Variants in SLCO3A1 observed in about 807,000 individuals in gnomAD.
SLCO3A1 encodes the protein PGE1 transporter.
SLCO3A1 carries 27 observed loss-of-function variants against 63.1 expected under a neutral mutation model. The observed-to-expected ratio is 0.43, with a 90% CI of 0.32 to 0.59. The LOEUF is 0.59. Among genes scored for constraint, SLCO3A1 ranks in the 20% least tolerant of loss-of-function variants. SLCO3A1 has a pLI of 0.09. For synonymous variants in SLCO3A1, 473 were observed against 409.9 expected, an observed-to-expected ratio of 1.15 and a Z score of -1.86; for missense variants, 773 against 945.8, an observed-to-expected ratio of 0.82 and a Z score of 2.40.
chr15:92,112,078 A>AG (rs2047736130), intron 4 of SLCO3A1, among the ~76,000 whole-genome samples: 1 of 152,220 alleles, frequency 6.6e-6, no homozygotes, highest in Non-Finnish European at 1.5e-5. Context: ...AGGACCAGAG[A>AG]GAGGGGACTT....
At chr15:91,924,780 C>A (rs977743261) in intron 2 of SLCO3A1, among the ~76,000 whole-genome samples, 1 of 152,190 alleles carries the variant, frequency 6.6e-6, no homozygotes, top group East Asian at 1.9e-4. Flanking sequence ...AGAAATGAAA[C>A]CATTTTCCTA....
rs1416320954 is a variant in SLCO3A1 at position 91,875,829 on chromosome 15, A to G, written c.180+21741A>G. On this transcript the variant is annotated intron_variant, in intron 1 of 9. Transcript: ENST00000318445. The surrounding 1 kb of genome is among the most constrained non-coding windows in gnomAD (Gnocchi z 4.5). Reference sequence around the variant, plus strand: ...TGTAAGTCAACTTTTATTGGAACACAGCCATGCTGATTTATGTATATATTA... The same window carrying G: ...TGTAAGTCAACTTTTATTGGAACACGGCCATGCTGATTTATGTATATATTA... Among the ~76,000 whole-genome samples the G allele has an allele frequency of 6.6e-6, 1 of 152,244 alleles. No homozygotes were observed. The highest frequency in any genetic ancestry group is 2.4e-5 in the African/African-American group (1 of 41,476).
chr15:91,982,819 G>A (rs557059793), intron 2 of SLCO3A1, among the ~76,000 whole-genome samples: 1 of 152,198 alleles, frequency 6.6e-6, no homozygotes, highest in Non-Finnish European at 1.5e-5. Flanking sequence ...GGAGCTGCAC[G>A]GGCTTGCCCA....
At position 92,009,862 on chromosome 15, in the gene SLCO3A1, C is replaced by T. The variant is rs749628654; in HGVS notation, c.647-85019C>T. Among the ~76,000 whole-genome samples, 17 of 152,252 alleles carry T rather than the reference C, an allele frequency of 1.1e-4. No individual in the cohort carries two copies. In the South Asian group the frequency reaches 1.2e-3, roughly 11 times the overall value. On this transcript the variant is annotated intron_variant, in intron 2 of 9. Coordinates refer to ENST00000318445, the MANE Select transcript of SLCO3A1 (RefSeq NM_013272.4). ...TTTCTGTTTAGTTCAGATGGGCAGG[C>T]GATGTGCAATGAGGGAAAGGTGTGC...
rs183327155 is a variant in SLCO3A1 at position 91,892,584 on chromosome 15, C to A, written c.181-23409C>A. 5.3e-5 allele frequency among the ~76,000 whole-genome samples: 8 copies of A among 152,294 alleles called. No homozygotes were observed. In the East Asian group the frequency reaches 1.5e-3, roughly 29 times the overall value. On this transcript the variant is annotated intron_variant, in intron 1 of 9. Transcript: ENST00000318445. ...AACAGCTTATTGTCCATAAAGGCATCCTGGCATGGAGTGGAGCTCTTATCT... is the reference window on the plus strand; with the variant it reads ...AACAGCTTATTGTCCATAAAGGCATACTGGCATGGAGTGGAGCTCTTATCT...
chr15:91,853,724 CGG>C lies in SLCO3A1; in HGVS notation c.-184_-183del. The C allele has an allele frequency of 1.9e-6, 1 of 514,120 alleles. No individual in the cohort carries two copies. Among genetic ancestry groups the C allele is most frequent in the Non-Finnish European group, 2.6e-6 (1 of 389,938 alleles). 31.8% of individuals were successfully genotyped at this position (514,120 alleles called of 1,614,324 possible). On this transcript the variant is annotated 5_prime_UTR_variant, in exon 1 of 10. Transcript: ENST00000318445. The stretch of plus-strand genomic sequence containing the variant: ...GAGGAAGGGGCGATCGCGGCGGCGG[CGG>C]CGGCGGCGAGGAGCTGTGCCTTCCA...
At position 91,897,330 on chromosome 15, in the gene SLCO3A1, A is replaced by T. The variant is rs1195844184; in HGVS notation, c.181-18663A>T. 1.3e-5 allele frequency among the ~76,000 whole-genome samples: 2 copies of T among 152,054 alleles called. No individual in the cohort carries two copies. The highest frequency in any genetic ancestry group is 2.4e-5 in the African/African-American group (1 of 41,408). On this transcript the variant is annotated intron_variant, in intron 1 of 9. Transcript: ENST00000318445. This position sits in a 1 kb window ranked among gnomAD's most constrained non-coding sequence, Gnocchi z 4.7. ...GCTGGGCATGGTGGCGGGCACCTAT[A>T]ATCCCAGCTACTCAGGAGGCTGAGG...
intron 2 of SLCO3A1, among the ~76,000 whole-genome samples, chr15:92,067,759 T>C (rs191357070): frequency 6.6e-6 from 1 of 152,210 alleles, no homozygotes; most frequent in African/African-American, 2.4e-5. Context: ...CCTATGTTAG[T>C]CCTTTTGGGC....
At chr15:91,928,622 A>G (rs926022943) in intron 2 of SLCO3A1, among the ~76,000 whole-genome samples, 8 of 152,202 alleles carry the variant, frequency 5.3e-5, no homozygotes, top group African/African-American at 1.9e-4. Context: ...CTTTCTCAGT[A>G]TAGTACCCAC....
intron 2 of SLCO3A1, among the ~76,000 whole-genome samples, chr15:91,998,586 C>G (rs2387401): frequency 6.6e-6 from 1 of 152,008 alleles, no homozygotes; most frequent in African/African-American, 2.4e-5. Context: ...AGAACCACAA[C>G]GAGATACCAT....
chr15:92,087,382 A>T (rs1166361906), intron 2 of SLCO3A1, among the ~76,000 whole-genome samples: 1 of 152,218 alleles, frequency 6.6e-6, no homozygotes. Flanking sequence ...CAACAGGGAA[A>T]GTCTTGACAA....
At chr15:91,855,286 C>T (rs1267958935) in intron 1 of SLCO3A1, among the ~76,000 whole-genome samples, 1 of 152,156 alleles carries the variant, frequency 6.6e-6, no homozygotes, top group Non-Finnish European at 1.5e-5. Context: ...TAAACTATCT[C>T]TTAAGGCTCA....
At chr15:91,909,985 A>C (rs938628600) in intron 1 of SLCO3A1, among the ~76,000 whole-genome samples, 2 of 152,228 alleles carry the variant, frequency 1.3e-5, no homozygotes, top group Non-Finnish European at 2.9e-5. Context: ...TTAATACTGC[A>C]GAAGAGCGGC....
At chr15:92,162,038 G>A (rs1391486602) in intron 9 of SLCO3A1, 1 of 151,530 alleles carries the variant, frequency 6.6e-6, no homozygotes, top group Non-Finnish European at 1.5e-5. Flanking sequence ...AGACCGTCTT[G>A]GCCTTCTCAG....
intron 2 of SLCO3A1, among the ~76,000 whole-genome samples, chr15:91,949,202 G>A (rs774293648): frequency 4.6e-5 from 7 of 152,150 alleles, no homozygotes; most frequent in African/African-American, 1.7e-4. Flanking sequence ...AGAGACTGGC[G>A]CTGGGGGGAA....
intron 4 of SLCO3A1, among the ~76,000 whole-genome samples, chr15:92,110,145 C>T (rs1596109903): frequency 6.6e-6 from 1 of 152,158 alleles, no homozygotes; most frequent in Non-Finnish European, 1.5e-5. Context: ...GAAGGTTCAC[C>T]TTTTGAGGAG....
intron 2 of SLCO3A1, among the ~76,000 whole-genome samples, chr15:91,977,316 A>G (rs1045902503): frequency 1.3e-5 from 2 of 152,184 alleles, no homozygotes; most frequent in Admixed American, 1.3e-4. Context: ...TCCTTTCTGT[A>G]TCCTCATGGC....
chr15:92,108,237 C>A (rs979154807), intron 4 of SLCO3A1, among the ~76,000 whole-genome samples: 1 of 152,322 alleles, frequency 6.6e-6, no homozygotes, highest in East Asian at 1.9e-4. Context: ...TTGTTAAACT[C>A]CAGTATCTCC....
Position 92,120,453 on chromosome 15 carries a change from G to A in SLCO3A1, c.1010-12G>A. 1 of 1,613,130 alleles carries A rather than the reference G, an allele frequency of 6.2e-7. No individual in the cohort carries two copies. The stretch of plus-strand genomic sequence containing the variant: ...CCTTGACCCTGACCATCTGCCTTCT[G>A]TCTCCCTGCAGTGATCCCGAAGGTC... On this transcript the variant is annotated splice_polypyrimidine_tract_variant and intron_variant, in intron 4 of 9. Coordinates refer to ENST00000318445, the MANE Select transcript of SLCO3A1 (RefSeq NM_013272.4).
Sources: allele counts gnomAD v4.1 joint callset (sites outside exome capture counted in the v4.1 genomes callset), GRCh38; gene constraint gnomAD v4.1.1; non-coding constraint Gnocchi (gnomAD v3.1); transcripts MANE v1.5; gene names NCBI Gene and HGNC (gene_info 2026-07-23, HGNC 2026-07-21).